TMEM67: variants seen among roughly 807,000 people sequenced by gnomAD.
The protein encoded by TMEM67 is meckelin.
In TMEM67, 124 loss-of-function variants were observed where a neutral mutation model predicts 136.6. The observed-to-expected ratio is 0.91, with a 90% CI of 0.78 to 1.05. The LOEUF is 1.05. Ranked by LOEUF, TMEM67 falls within the 50% of genes least tolerant of loss-of-function variation. The pLI is 0.00. For missense variants in TMEM67, 1,107 were observed against 1,178.4 expected, an observed-to-expected ratio of 0.94 and a Z score of 0.89; for synonymous variants, 364 against 390.5, an observed-to-expected ratio of 0.93 and a Z score of 0.80.
intron 6 of TMEM67, among the ~76,000 whole-genome samples, chr8:93,767,277 C>T (rs971968959): frequency 6.6e-6 from 1 of 152,234 alleles, no homozygotes; most frequent in African/African-American, 2.4e-5. Flanking sequence ...CAGGGGCACA[C>T]AGTGTCTACC....
At chr8:93,824,001 T>A (rs1294018682), downstream of TMEM67, among the ~76,000 whole-genome samples, 5 of 152,206 alleles carry the variant, frequency 3.3e-5, no homozygotes, top group African/African-American at 1.2e-4. Flanking sequence ...AATGATCTAA[T>A]CCTGTTTGGG....
chr8:93,809,843 G>A lies in TMEM67; in HGVS notation c.2720G>A (p.Gly907Glu). Reference sequence around the variant, plus strand: ...AAGTTGCTTCTTGAAAGAATTCTTGGAATGGAATTCATGGAACCAATGGAA... The same window carrying A: ...AAGTTGCTTCTTGAAAGAATTCTTGAAATGGAATTCATGGAACCAATGGAA... ...KDKLLLERIL[G>E]MEFMEPMEKS... Residue 907 changes from glycine to glutamate, a missense_variant, in exon 26 of 28, where the codon GGA (glycine) becomes GAA (glutamate). Coordinates refer to ENST00000453321, the MANE Select transcript of TMEM67 (RefSeq NM_153704.6). 6.2e-7 allele frequency: 1 copy of A among 1,608,990 alleles called. No homozygotes were observed. Among genetic ancestry groups the A allele is most frequent in the Non-Finnish European group, 8.5e-7 (1 of 1,175,870 alleles).
At chr8:93,795,115 G>C in intron 16 of TMEM67, 1 of 469,420 alleles carries the variant, frequency 2.1e-6, no homozygotes, top group Non-Finnish European at 3.9e-6. Flanking sequence ...GGAGAGATTA[G>C]AGGGGAGGAT....
In TMEM67 at chr8:93,803,692, C is replaced by CT. The variant is rs761531825; in HGVS notation, c.2322+11dup. ...TTATGCTCTATGAGTAATGTAAGTA[C>CT]TTTCTGACTTCATCTTGCAACTGTT... On this transcript the variant is annotated intron_variant, in intron 22 of 27. Transcript: ENST00000453321. 6.2e-6 allele frequency: 9 copies of CT among 1,462,862 alleles called. No homozygotes were observed. In the Admixed American group the frequency reaches 1.2e-4, roughly 19 times the overall value. 90.6% of individuals were successfully genotyped at this position (1,462,862 alleles called of 1,614,324 possible).
chr8:93,775,180 C>T (rs1813485732), intron 7 of TMEM67, among the ~76,000 whole-genome samples: 1 of 152,162 alleles, frequency 6.6e-6, no homozygotes, highest in Non-Finnish European at 1.5e-5. Context: ...TGTTCATATC[C>T]TTTGCCCACT....
the TMEM67 span, among the ~76,000 whole-genome samples, chr8:93,830,786 A>T: frequency 6.6e-6 from 1 of 152,250 alleles, no homozygotes; most frequent in Non-Finnish European, 1.5e-5. Context: ...TTTACCTCAG[A>T]CAAGATGGTA....
Position 93,804,792 on chromosome 8 carries a change from T to G in TMEM67, c.2353T>G (p.Phe785Val). The G allele has an allele frequency of 6.2e-7, 1 of 1,606,328 alleles. No homozygotes were observed. Among genetic ancestry groups the G allele is most frequent in the Non-Finnish European group, 8.5e-7 (1 of 1,173,338 alleles). Residue 785 changes from phenylalanine to valine, a missense_variant, in exon 23 of 28, where the codon TTT becomes GTT. Phe to Val is a conservative substitution (Grantham distance 50). Transcript: ENST00000453321. ...AGTGTTTCTGTTATCCCACAAATGT[T>G]TTGGATATTACATTCATGGTAGATC... Reference protein sequence around the residue: ...ISVFLLSHKCFGYYIHGRSVH... With the variant: ...ISVFLLSHKCVGYYIHGRSVH...
At chr8:93,797,041 A>G (rs1814650437) in intron 18 of TMEM67, 93 bp from the exon 19 acceptor site, 2 of 772,744 alleles carry the variant, frequency 2.6e-6, no homozygotes, top group Admixed American at 3.7e-5. Flanking sequence ...TGTTCTTGTG[A>G]TAACAGTATG....
Position 93,755,138 on chromosome 8 carries a change from G to GT in TMEM67, c.223+2dup. 6.2e-7 allele frequency: 1 copy of GT among 1,614,070 alleles called. No individual in the cohort carries two copies. Among genetic ancestry groups the GT allele is most frequent in the Non-Finnish European group, 8.5e-7 (1 of 1,179,948 alleles). ...GCTAACCAGAGGCAAGATGCCCGAG[G>GT]TAAGACGGTTTGCGGTGGGCCCTGG... is the stretch of plus-strand genomic sequence containing the variant. On this transcript the variant is annotated splice_donor_variant, in intron 1 of 27. Coordinates refer to ENST00000453321, the MANE Select transcript of TMEM67 (RefSeq NM_153704.6). LOFTEE classifies it high-confidence loss of function.
intron 23 of TMEM67, among the ~76,000 whole-genome samples, chr8:93,808,059 CTAGT>C (rs901013806): frequency 2.0e-5 from 3 of 151,458 alleles, no homozygotes; most frequent in African/African-American, 7.3e-5. Context: ...AATTATAAGA[CTAGT>C]TAACTCCAAA....
chr8:93,825,654 A>G, the TMEM67 span, among the ~76,000 whole-genome samples: 2 of 152,172 alleles, frequency 1.3e-5, no homozygotes, highest in South Asian at 4.1e-4. Flanking sequence ...ATAGCTCCCA[A>G]CTGCAGAACT....
intron 7 of TMEM67, 102 bp from the exon 8 acceptor site, chr8:93,780,491 G>A (rs184083240): frequency 7.6e-5 from 99 of 1,298,066 alleles, no homozygotes; most frequent in African/African-American, 5.8e-4. Flanking sequence ...GTTCCTACTC[G>A]GCCATCTTGG....
the TMEM67 span, among the ~76,000 whole-genome samples, chr8:93,829,380 CTCTGTGTGTGTGTGTG>C: frequency 1.3e-5 from 2 of 150,262 alleles, no homozygotes; most frequent in African/African-American, 5.0e-5. Flanking sequence ...CTCTCTCTCT[CTCTGTGTGTGTGTGTG>C]TGTGTGTGTG....
At chr8:93,775,044 C>G (rs181353305) in intron 7 of TMEM67, among the ~76,000 whole-genome samples, 2 of 152,174 alleles carry the variant, frequency 1.3e-5, no homozygotes, top group African/African-American at 4.8e-5. Flanking sequence ...TTAATGATCA[C>G]CATTTTAACT....
upstream of TMEM67, chr8:93,754,889 G>T (rs79833026): frequency 3.1e-6 from 5 of 1,607,418 alleles, no homozygotes; most frequent in Non-Finnish European, 4.3e-6. Context: ...GGGGCTGGAG[G>T]CTGTGAGGCT....
At chr8:93,795,549 A>G (rs756111552) in intron 17 of TMEM67, 42 bp downstream of exon 17, 5 of 1,465,686 alleles carry the variant, frequency 3.4e-6, no homozygotes, top group Non-Finnish European at 4.8e-6. Flanking sequence ...CAATATCTGA[A>G]TAGTTGAAAA....
rs139798663 is a variant in TMEM67, at chr8:93,808,880, A to G, written c.2480A>G (p.Asp827Gly). Residue 827 changes from aspartate (D) to glycine (G), a missense_variant, in exon 24 of 28, where the codon GAT (aspartate) becomes GGT (glycine). Physicochemically the swap from Asp to Gly is moderately conservative, Grantham distance 94 (BLOSUM62 -1). This residue lies in a region of TMEM67 where 925 missense variants were observed against 1,002.4 expected (regional missense o/e 0.92). Coordinates refer to ENST00000453321, the MANE Select transcript of TMEM67 (RefSeq NM_153704.6). ...CAGAGAGGTTTGGTACCCAACACAGATGGTCAGACTTTTGAGATTGCAATT... is the reference window on the plus strand; with the variant it reads ...CAGAGAGGTTTGGTACCCAACACAGGTGGTCAGACTTTTGAGATTGCAATT... ...CSQRGLVPNT[D>G]GQTFEIAISN... is the part of the protein sequence containing the mutation. 2.5e-5 allele frequency: 41 copies of G among 1,613,046 alleles called. No individual in the cohort carries two copies. Among genetic ancestry groups the G allele is most frequent in the Non-Finnish European group, 3.4e-5 (40 of 1,179,226 alleles).
chr8:93,793,137 G>T (rs1814458806), intron 15 of TMEM67, 61 bp from the exon 16 acceptor site: 2 of 1,462,990 alleles, frequency 1.4e-6, no homozygotes, highest in Admixed American at 3.3e-5. Context: ...CTTGTTCACA[G>T]TGTTTTTGAA....
At chr8:93,795,817 AAAAC>A in intron 17 of TMEM67, 80 bp from the exon 18 acceptor site, 2 of 1,193,174 alleles carry the variant, frequency 1.7e-6, no homozygotes, top group Non-Finnish European at 2.4e-6. Context: ...TTCCCAAAAA[AAAAC>A]AAAAACGAAA....
Sources: allele counts gnomAD v4.1 joint callset (sites outside exome capture counted in the v4.1 genomes callset), GRCh38; gene constraint gnomAD v4.1.1; regional missense constraint gnomAD v4.1.1; transcripts MANE v1.5; gene names NCBI Gene and HGNC (gene_info 2026-07-23, HGNC 2026-07-21).